The following PGBD5 variants were observed in gnomAD, a reference collection of about 807,000 sequenced individuals.
PGBD5 encodes piggyBac transposable element derived 5.
Under a neutral mutation model 47.9 loss-of-function variants are expected in PGBD5, and 14 were observed. That is an observed-to-expected ratio of 0.29 (90% confidence interval 0.19 to 0.46). The LOEUF (loss-of-function observed/expected upper bound fraction) is 0.46. Ranked by LOEUF, PGBD5 falls within the 20% of genes least tolerant of loss-of-function variation. PGBD5 has a pLI of 1.00. For missense variants in PGBD5, 635 were observed against 716.0 expected (o/e 0.89, Z 1.29); for synonymous variants, 316 against 306.3 (o/e 1.03, Z -0.33).
rs888462429 is a variant in PGBD5 at position 230,323,405 on chromosome 1, C to T, written c.*20G>A. The T allele has an allele frequency of 7.5e-6, 12 of 1,605,914 alleles. No homozygotes were observed. Among genetic ancestry groups the T allele is most frequent in the East Asian group, 2.2e-5 (1 of 44,840 alleles). On this transcript the variant is annotated 3_prime_UTR_variant, in exon 7 of 7. Transcript: ENST00000391860. This position sits in a 1 kb window ranked among gnomAD's most constrained non-coding sequence, Gnocchi z 4.1. ...CTCCTCCTCTTGCCCCTCCCTTGAC[C>T]GAGTCCTGCGCCCCCAGCATCAGTG... is the stretch of plus-strand genomic sequence containing the variant.
intron 1 of PGBD5, among the ~76,000 whole-genome samples, chr1:230,385,142 G>A (rs948153364): frequency 2.0e-5 from 3 of 151,806 alleles, no homozygotes; most frequent in East Asian, 1.9e-4. Flanking sequence ...TTTCAGTCTC[G>A]CGCACGTGTT....
In PGBD5 at chr1:230,315,778, GCATATATGTATATATGTATA is replaced by G. The variant is rs1450374527; in HGVS notation, c.*7627_*7646del. On this transcript the variant is annotated 3_prime_UTR_variant, in exon 7 of 7. Coordinates refer to ENST00000391860, the MANE Select transcript of PGBD5 (RefSeq NM_001258311.2). The stretch of plus-strand genomic sequence containing the variant: ...ACACATACATATATTATAGATGTAT[GCATATATGTATATATGTATA>G]CATATATGTATATGTGCATACATAT... 4.7e-5 allele frequency: 7 copies of G among 147,822 alleles called. No homozygotes were observed. Among genetic ancestry groups the G allele is most frequent in the Non-Finnish European group, 1.5e-5 (1 of 66,700 alleles). 9.2% of individuals were successfully genotyped at this position (147,822 alleles called of 1,614,324 possible).
At chr1:230,404,942 A>G (rs1657264104) in intron 1 of PGBD5, among the ~76,000 whole-genome samples, 1 of 148,466 alleles carries the variant, frequency 6.7e-6, no homozygotes, top group African/African-American at 2.5e-5. Flanking sequence ...AAAAAAAAAA[A>G]GGCTTCCCAA....
At chr1:230,339,746 G>C (rs768192122) in intron 3 of PGBD5, among the ~76,000 whole-genome samples, 1 of 152,180 alleles carries the variant, frequency 6.6e-6, no homozygotes, top group Non-Finnish European at 1.5e-5. Flanking sequence ...GAAATAAGCC[G>C]AGCACAGGAA....
intron 5 of PGBD5, among the ~76,000 whole-genome samples, chr1:230,329,838 A>G (rs1411461253): frequency 5.3e-5 from 8 of 152,254 alleles, no homozygotes; most frequent in African/African-American, 7.2e-5. Context: ...GAAGTGGATT[A>G]TGGTAAAGAG....
intron 3 of PGBD5, among the ~76,000 whole-genome samples, chr1:230,350,382 A>G (rs566436484): frequency 2.0e-5 from 3 of 152,306 alleles, no homozygotes; most frequent in African/African-American, 7.2e-5. Flanking sequence ...CTTGTGAAAC[A>G]TGCACCCATG....
chr1:230,383,556 G>A (rs916312864), intron 1 of PGBD5, among the ~76,000 whole-genome samples: 6 of 152,024 alleles, frequency 3.9e-5, no homozygotes, highest in African/African-American at 1.2e-4. Flanking sequence ...ATTTTTTGTA[G>A]AGATAGGGTC....
chr1:230,376,118 A>T (rs1668010308), intron 1 of PGBD5, among the ~76,000 whole-genome samples: 1 of 152,116 alleles, frequency 6.6e-6, no homozygotes, highest in Non-Finnish European at 1.5e-5. Flanking sequence ...GCAGAGTCAC[A>T]GGGTGTCCAA....
chr1:230,392,507 G>A (rs368968578), intron 1 of PGBD5, among the ~76,000 whole-genome samples: 1 of 152,172 alleles, frequency 6.6e-6, no homozygotes, highest in African/African-American at 2.4e-5. Context: ...AAGCACCCGA[G>A]CTTTGTTATT....
chr1:230,393,180 G>A (rs1392703818), intron 1 of PGBD5, among the ~76,000 whole-genome samples: 1 of 143,562 alleles, frequency 7.0e-6, no homozygotes, highest in Non-Finnish European at 1.5e-5. Flanking sequence ...GAAGGGGAAG[G>A]GAGGGGGGGA....
intron 1 of PGBD5, among the ~76,000 whole-genome samples, chr1:230,407,416 C>T (rs931871001): frequency 6.6e-5 from 10 of 151,928 alleles, no homozygotes; most frequent in African/African-American, 1.5e-4. Flanking sequence ...AACCATATTA[C>T]GGAAAAAAAA....
intron 3 of PGBD5, among the ~76,000 whole-genome samples, chr1:230,342,104 C>T (rs1023573544): frequency 3.9e-5 from 6 of 152,166 alleles, no homozygotes; most frequent in African/African-American, 9.7e-5. Flanking sequence ...AATGCCCCCA[C>T]GACCTCCAGA....
intron 2 of PGBD5, 78 bp downstream of exon 2, chr1:230,356,816 A>T: frequency 6.7e-7 from 1 of 1,494,724 alleles, no homozygotes; most frequent in African/African-American, 1.4e-5. Context: ...GGACACCCCA[A>T]AGCCCTGCCA....
intron 1 of PGBD5, among the ~76,000 whole-genome samples, chr1:230,384,466 G>A (rs1463659482): frequency 6.6e-6 from 1 of 152,124 alleles, no homozygotes; most frequent in Non-Finnish European, 1.5e-5. Context: ...GCTGAACGAG[G>A]TGTCCTTGGG....
chr1:230,365,423 C>T (rs79274680), intron 1 of PGBD5, among the ~76,000 whole-genome samples: 1 of 152,138 alleles, frequency 6.6e-6, no homozygotes, highest in Admixed American at 6.6e-5. Context: ...GACAATGCCC[C>T]CAAAGCCCAA....
chr1:230,372,380 A>G lies in PGBD5; in HGVS notation c.332-15059T>C, dbSNP rs1206434019. On this transcript the variant is annotated intron_variant, in intron 1 of 6. Transcript: ENST00000391860. ...ACACAACCGTTCTTGATCTTCATAC[A>G]AAAAGACAAACAATCTAGAGTGAAA... 9.2e-5 allele frequency among the ~76,000 whole-genome samples: 14 copies of G among 152,324 alleles called. No individual in the cohort carries two copies. In the East Asian group the frequency reaches 2.7e-3, roughly 29 times the overall value.
chr1:230,348,634 C>G lies in PGBD5; in HGVS notation c.894+2324G>C, dbSNP rs370043319. 9.5e-4 allele frequency among the ~76,000 whole-genome samples: 144 copies of G among 152,274 alleles called. 2 individuals carry two copies. The Middle Eastern group carries it at 0.01, about 11-fold the overall frequency. ...AAAGCTGTCAAACCAAGATTAGCACCTGGAGAACCAAGAAAAGGGGCAGGA... is the reference window on the plus strand; with the variant it reads ...AAAGCTGTCAAACCAAGATTAGCACGTGGAGAACCAAGAAAAGGGGCAGGA... On this transcript the variant is annotated intron_variant, in intron 3 of 6. Transcript: ENST00000391860.
intron 1 of PGBD5, among the ~76,000 whole-genome samples, chr1:230,398,544 TG>T (rs1657056023): frequency 6.6e-6 from 1 of 152,224 alleles, no homozygotes. Context: ...CATATGAATT[TG>T]GGGTGGACAC....
Position 230,319,363 on chromosome 1 carries a change from C to G in PGBD5, c.*4062G>C, listed in dbSNP as rs905969395. 1.3e-4 allele frequency: 20 copies of G among 152,284 alleles called. No homozygotes were observed. The highest frequency in any genetic ancestry group is 4.6e-4 in the African/African-American group (19 of 41,452). The allele number at this position is 152,284 out of a possible 1,614,324, so 9.4% of individuals were successfully genotyped here. A position where few individuals can be genotyped will look rare whatever the true frequency, so the allele number is the denominator to read the frequency against. On this transcript the variant is annotated 3_prime_UTR_variant, in exon 7 of 7. Coordinates refer to ENST00000391860, the MANE Select transcript of PGBD5 (RefSeq NM_001258311.2). ...ATCTGGGAGGTACCACACCCAAGGT[C>G]ACCTTTCTCCCCCATCAGTGTCGTT...
Sources: allele counts gnomAD v4.1 joint callset (sites outside exome capture counted in the v4.1 genomes callset), GRCh38; gene constraint gnomAD v4.1.1; non-coding constraint Gnocchi (gnomAD v3.1); transcripts MANE v1.5; gene names NCBI Gene and HGNC (gene_info 2026-07-23, HGNC 2026-07-21).